The following XPR1 variants were observed in gnomAD, a reference collection of about 807,000 sequenced individuals.
XPR1 encodes solute carrier family 53 member 1.
In XPR1, 28 loss-of-function variants were observed where a neutral mutation model predicts 87.5. That is an observed-to-expected ratio of 0.32 (90% CI 0.24 to 0.44). The LOEUF is 0.44. Ranked by LOEUF, XPR1 falls within the 20% of genes least tolerant of loss-of-function variation. The pLI, the probability that XPR1 is intolerant of heterozygous loss-of-function variation, is 1.00. For synonymous variants in XPR1, 300 were observed against 306.1 expected (o/e 0.98, Z 0.21); for missense variants, 559 against 862.3 (o/e 0.65, Z 4.41).
intron 11 of XPR1, among the ~76,000 whole-genome samples, chr1:180,856,213 A>G (rs1652026169): frequency 6.6e-6 from 1 of 152,194 alleles, no homozygotes; most frequent in East Asian, 1.9e-4. Context: ...TGAAATGTAA[A>G]CAAACATAGA....
chr1:180,858,526 C>T (rs967606644), intron 11 of XPR1, among the ~76,000 whole-genome samples: 3 of 152,192 alleles, frequency 2.0e-5, no homozygotes, highest in Admixed American at 1.3e-4. Context: ...AGAAGCAATG[C>T]TGTCTAGTAC....
At position 180,880,060 on chromosome 1, in the gene XPR1, A is replaced by G. The variant is rs1652798774; in HGVS notation, c.1809-16A>G. 6.2e-7 allele frequency: 1 copy of G among 1,613,880 alleles called. No homozygotes were observed. The highest frequency in any genetic ancestry group is 2.2e-5 in the East Asian group (1 of 44,890). On this transcript the variant is annotated splice_polypyrimidine_tract_variant and intron_variant, in intron 13 of 14. Coordinates refer to ENST00000367590, the MANE Select transcript of XPR1 (RefSeq NM_004736.4). ...TACAATTTCATAAGTACTTTGATCT[A>G]CCCCATTTTGCTAAGGCGATTTGTG...
intron 7 of XPR1, among the ~76,000 whole-genome samples, chr1:180,818,407 G>A (rs1219531106): frequency 6.6e-6 from 1 of 151,558 alleles, no homozygotes; most frequent in African/African-American, 2.4e-5. Context: ...AGGCTTTGGA[G>A]CCAGATTGTA....
At chr1:180,838,298 G>GT (rs1186387998) in intron 11 of XPR1, among the ~76,000 whole-genome samples, 1 of 151,908 alleles carries the variant, frequency 6.6e-6, no homozygotes, top group Non-Finnish European at 1.5e-5. Context: ...TCTTCACATT[G>GT]TGTAGGCTGA....
In XPR1 at chr1:180,668,635, A is replaced by G. The variant is rs140476003; in HGVS notation, c.70-13725A>G. On this transcript the variant is annotated intron_variant, in intron 1 of 14. Coordinates refer to ENST00000367590, the MANE Select transcript of XPR1 (RefSeq NM_004736.4). ...TTCATTCCTCTCTAAATGTTTTACA[A>G]TTTTCCTTGTGATTTCTTCTTTGAT... Among the ~76,000 whole-genome samples the G allele has an allele frequency of 8.6e-5, 13 of 151,842 alleles. No individual in the cohort carries two copies. In the East Asian group the frequency reaches 1.4e-3, roughly 16 times the overall value.
intron 2 of XPR1, among the ~76,000 whole-genome samples, chr1:180,779,526 AG>A (rs1263543456): frequency 6.6e-6 from 1 of 152,120 alleles, no homozygotes; most frequent in African/African-American, 2.4e-5. Flanking sequence ...AGGCTGAGGC[AG>A]GTAGATCACC....
intron 7 of XPR1, among the ~76,000 whole-genome samples, chr1:180,813,760 G>T (rs947373340): frequency 2.0e-5 from 3 of 152,128 alleles, no homozygotes; most frequent in African/African-American, 7.2e-5. Flanking sequence ...ATGTAATTGT[G>T]CTCATAATAA....
intron 3 of XPR1, among the ~76,000 whole-genome samples, chr1:180,796,212 A>G (rs920939981): frequency 6.6e-6 from 1 of 152,142 alleles, no homozygotes; most frequent in African/African-American, 2.4e-5. Context: ...GTGCAGTCCC[A>G]TGTGTTTGAG....
chr1:180,732,691 A>G (rs1438671301), intron 2 of XPR1, among the ~76,000 whole-genome samples: 2 of 152,174 alleles, frequency 1.3e-5, no homozygotes, highest in Non-Finnish European at 2.9e-5. Context: ...TCGACAGGTG[A>G]AGCCCCAGTG....
intron 2 of XPR1, among the ~76,000 whole-genome samples, chr1:180,684,234 C>T (rs1656684436): frequency 6.6e-6 from 1 of 152,194 alleles, no homozygotes; most frequent in South Asian, 2.1e-4. Flanking sequence ...ATCCTTTCCC[C>T]ATTGCTTGTT....
chr1:180,711,715 TGTA>T (rs757533308), intron 2 of XPR1, among the ~76,000 whole-genome samples: 8 of 152,352 alleles, frequency 5.3e-5, no homozygotes, highest in Middle Eastern at 3.4e-3. Context: ...TAAATTTTGA[TGTA>T]GTCCAATTTA....
chr1:180,696,277 T>C (rs941353733), intron 2 of XPR1, among the ~76,000 whole-genome samples: 1 of 150,452 alleles, frequency 6.6e-6, no homozygotes, highest in African/African-American at 2.4e-5. Flanking sequence ...CAGTTCATTA[T>C]TGGTGTATAG....
At chr1:180,788,381 T>C (rs1025230206) in intron 3 of XPR1, among the ~76,000 whole-genome samples, 6 of 152,266 alleles carry the variant, frequency 3.9e-5, no homozygotes, top group African/African-American at 1.4e-4. Context: ...TGTTGCAATG[T>C]ACATAATATA....
chr1:180,878,456 T>G (rs991467530), intron 13 of XPR1, among the ~76,000 whole-genome samples: 3 of 152,200 alleles, frequency 2.0e-5, no homozygotes, highest in African/African-American at 7.2e-5. Flanking sequence ...TAAACCACTT[T>G]TGTTAATAAT....
intron 13 of XPR1, among the ~76,000 whole-genome samples, chr1:180,875,871 A>T (rs2102221666): frequency 6.6e-6 from 1 of 152,286 alleles, no homozygotes; most frequent in Non-Finnish European, 1.5e-5. Flanking sequence ...ATATCAAAAA[A>T]CCTAAAGACA....
At chr1:180,761,331 G>A (rs1022571048) in intron 2 of XPR1, among the ~76,000 whole-genome samples, 30 of 152,108 alleles carry the variant, frequency 2.0e-4, no homozygotes, top group Non-Finnish European at 4.3e-4. Context: ...GAGTGAACAG[G>A]CAACCTACAA....
At chr1:180,787,690 T>G in intron 2 of XPR1, 63 bp from the exon 3 acceptor site, 1 of 1,142,332 alleles carries the variant, frequency 8.8e-7, no homozygotes, top group Non-Finnish European at 1.3e-6. Context: ...TAGTTTTTGT[T>G]TCCTTAGTTT....
chr1:180,859,742 C>T (rs1377415500), intron 11 of XPR1, among the ~76,000 whole-genome samples: 2 of 152,082 alleles, frequency 1.3e-5, no homozygotes, highest in African/African-American at 4.8e-5. Flanking sequence ...AGTAAGTCCT[C>T]ATGTATGTTT....
chr1:180,709,888 GTTT>G lies in XPR1; in HGVS notation c.121+27489_121+27491del, dbSNP rs34386449. On this transcript the variant is annotated intron_variant, in intron 2 of 14. Coordinates refer to ENST00000367590, the MANE Select transcript of XPR1 (RefSeq NM_004736.4). ...TTTCTCCTATTCTTGAGTTTTGAGG[GTTT>G]TTTTTTTTTTTAATTTTTTTATTTT... 1.8e-3 allele frequency among the ~76,000 whole-genome samples: 260 copies of G among 142,404 alleles called. 2 individuals carry two copies. The highest frequency in any genetic ancestry group is 6.2e-3 in the African/African-American group (244 of 39,110). 93.4% of individuals were successfully genotyped at this position (142,404 alleles called of 152,430 possible).
Sources: gnomAD v4.1 joint callset for allele counts (sites outside exome capture counted in the v4.1 genomes callset) on GRCh38, gnomAD v4.1.1 for gene constraint, MANE v1.5 for transcripts, NCBI Gene and HGNC (gene_info 2026-07-23, HGNC 2026-07-21) for gene names.